MCU: variants seen among roughly 807,000 people sequenced by gnomAD.
MCU encodes the protein calcium uniporter protein, mitochondrial.
Under a neutral mutation model 45.2 loss-of-function variants are expected in MCU, and 12 were observed. The observed-to-expected ratio is 0.27, with a 90% CI of 0.17 to 0.43. The LOEUF (loss-of-function observed/expected upper bound fraction) is 0.43, where lower values mean the gene tolerates loss of function less well. Ranked by LOEUF, MCU falls within the 20% of genes least tolerant of loss-of-function variation. The pLI is 1.00. For missense variants in MCU, 324 were observed against 436.7 expected (o/e 0.74, Z 2.30); for synonymous variants, 160 against 165.1 (o/e 0.97, Z 0.24).
intron 1 of MCU, chr10:72,693,173 AGTGTGTGTGTGTGT>A: frequency 3.8e-6 from 3 of 798,786 alleles, no homozygotes; most frequent in Admixed American, 4.5e-5. Context: ...CTCTTGGGTG[AGTGTGTGTGTGTGT>A]GTGTGTGTGT....
At chr10:72,692,645 G>C (rs929421537) in intron 1 of MCU, 2 of 1,148,680 alleles carry the variant, frequency 1.7e-6, no homozygotes, top group Non-Finnish European at 2.1e-6. Flanking sequence ...CCTGCCCCAA[G>C]GCTCCCTGAA....
intron 1 of MCU, among the ~76,000 whole-genome samples, chr10:72,804,068 ATAT>A (rs1844389387): frequency 5.5e-5 from 4 of 73,290 alleles, no homozygotes; most frequent in South Asian, 3.7e-4. Flanking sequence ...ATATATATAT[ATAT>A]ATAAAATAAG....
chr10:72,726,269 G>C (rs1843100617), intron 1 of MCU, among the ~76,000 whole-genome samples: 1 of 150,926 alleles, frequency 6.6e-6, no homozygotes, highest in South Asian at 2.1e-4. Context: ...GTGTGTGTGT[G>C]TGTGTGTGTG....
intron 4 of MCU, among the ~76,000 whole-genome samples, chr10:72,861,463 G>T (rs891915774): frequency 6.6e-6 from 1 of 151,454 alleles, no homozygotes; most frequent in African/African-American, 2.4e-5. Context: ...GTCTCACTCT[G>T]TCGCCCAGGC....
rs138873631 is a variant in MCU at position 72,878,219 on chromosome 10, A to C, written c.862-6047A>C. On this transcript the variant is annotated intron_variant, in intron 6 of 7. Transcript: ENST00000373053. Reference sequence around the variant, plus strand: ...CTGTAGCCTCATACTCCCAGGCTCAAGCAGCCCTCCCTCTTAGCTTCCTGA... The same window carrying C: ...CTGTAGCCTCATACTCCCAGGCTCACGCAGCCCTCCCTCTTAGCTTCCTGA... Among the ~76,000 whole-genome samples, 334 of 149,046 alleles carry C rather than the reference A, an allele frequency of 2.2e-3. 1 individual carries two copies. The highest frequency in any genetic ancestry group is 0.014 in the Middle Eastern group (4 of 292).
At chr10:72,809,988 AG>A (rs1159293831) in intron 1 of MCU, among the ~76,000 whole-genome samples, 1 of 148,248 alleles carries the variant, frequency 6.7e-6, no homozygotes, top group African/African-American at 2.4e-5. Flanking sequence ...GGATTAGTGA[AG>A]GCAGGCTTCT....
At chr10:72,806,113 T>G (rs1208688342) in intron 1 of MCU, among the ~76,000 whole-genome samples, 1 of 150,616 alleles carries the variant, frequency 6.6e-6, no homozygotes, top group Non-Finnish European at 1.5e-5. Context: ...TGATGTGAGA[T>G]GAAGTCAAAG....
chr10:72,692,590 G>T, intron 1 of MCU: 1 of 1,098,662 alleles, frequency 9.1e-7, no homozygotes, highest in African/African-American at 1.6e-5. Flanking sequence ...ACCTCTCCCC[G>T]ACTCGCCCCC....
chr10:72,851,600 C>T (rs1845207678), intron 2 of MCU, among the ~76,000 whole-genome samples: 1 of 152,062 alleles, frequency 6.6e-6, no homozygotes, highest in Non-Finnish European at 1.5e-5. Context: ...GAGTCCTCTT[C>T]TGGGTGGGGG....
chr10:72,805,101 C>CTT (rs1554824914), intron 1 of MCU, among the ~76,000 whole-genome samples: 1,598 of 103,338 alleles, frequency 0.015, 41 homozygotes, highest in African/African-American at 0.046. Context: ...TTCTTTCTTT[C>CTT]TCTTTCTTTC....
intron 1 of MCU, among the ~76,000 whole-genome samples, chr10:72,799,414 G>C (rs978782628): frequency 5.3e-5 from 8 of 152,098 alleles, no homozygotes; most frequent in Non-Finnish European, 1.2e-4. Context: ...CAAATGTTAA[G>C]TTCCAGCCTT....
intron 1 of MCU, among the ~76,000 whole-genome samples, chr10:72,709,966 T>A (rs1842869253): frequency 6.6e-6 from 1 of 152,154 alleles, no homozygotes; most frequent in African/African-American, 2.4e-5. Context: ...TTTAAATACA[T>A]AATGGCTTTC....
At chr10:72,762,705 G>A (rs1442227794) in intron 1 of MCU, among the ~76,000 whole-genome samples, 1 of 152,130 alleles carries the variant, frequency 6.6e-6, no homozygotes, top group East Asian at 1.9e-4. Flanking sequence ...TACTGGGAAT[G>A]CAGTTTTAAG....
At chr10:72,824,615 C>T (rs1314711587) in intron 1 of MCU, among the ~76,000 whole-genome samples, 1 of 152,138 alleles carries the variant, frequency 6.6e-6, no homozygotes, top group Non-Finnish European at 1.5e-5. Context: ...AAATAACTTA[C>T]AGTAAATGGA....
At chr10:72,753,666 G>A (rs1412104857) in intron 1 of MCU, among the ~76,000 whole-genome samples, 2 of 152,114 alleles carry the variant, frequency 1.3e-5, no homozygotes, top group African/African-American at 4.8e-5. Flanking sequence ...CTTGAGCCCA[G>A]AAGTTTGAGA....
intron 1 of MCU, chr10:72,715,342 CT>C (rs1374937917): frequency 5.5e-6 from 1 of 180,362 alleles, no homozygotes; most frequent in African/African-American, 2.4e-5. Context: ...TGGGCTGGCT[CT>C]TTGCTCCAGC....
intron 1 of MCU, among the ~76,000 whole-genome samples, chr10:72,700,141 C>T (rs1321086505): frequency 6.8e-6 from 1 of 147,824 alleles, no homozygotes; most frequent in Non-Finnish European, 1.5e-5. Context: ...CTCACTACAG[C>T]CTCTGCCCCC....
At chr10:72,821,518 G>T (rs1408153495) in intron 1 of MCU, among the ~76,000 whole-genome samples, 1 of 152,072 alleles carries the variant, frequency 6.6e-6, no homozygotes, top group Non-Finnish European at 1.5e-5. Flanking sequence ...ATGCATGCCT[G>T]AGTTCTTAAT....
intron 1 of MCU, among the ~76,000 whole-genome samples, chr10:72,831,795 G>A (rs977075074): frequency 2.0e-5 from 3 of 152,264 alleles, no homozygotes; most frequent in Admixed American, 6.5e-5. Context: ...CTAAGCAAAG[G>A]TAATCGCTAT....
Sources: allele counts gnomAD v4.1 joint callset (sites outside exome capture counted in the v4.1 genomes callset), GRCh38; gene constraint gnomAD v4.1.1; transcripts MANE v1.5; gene names NCBI Gene and HGNC (gene_info 2026-07-23, HGNC 2026-07-21).